NLRC5: variants seen among roughly 807,000 people sequenced by gnomAD.
NLRC5 encodes the protein protein NLRC5.
NLRC5 carries 114 observed loss-of-function variants against 206.9 expected under a neutral mutation model. The observed-to-expected ratio is 0.55, with a 90% confidence interval of 0.47 to 0.64. The LOEUF (loss-of-function observed/expected upper bound fraction) is 0.64, where lower values mean the gene tolerates loss of function less well. NLRC5 is among the 30% of genes least tolerant of loss of function. The pLI is 0.00. For missense variants in NLRC5, 2,008 were observed against 2,305.5 expected, an observed-to-expected ratio of 0.87 and a Z score of 2.64; for synonymous variants, 952 against 962.8, an observed-to-expected ratio of 0.99 and a Z score of 0.21.
chr16:57,034,440 C>A, intron 13 of NLRC5, 189 bp downstream of exon 13: 1 of 581,298 alleles, frequency 1.7e-6, no homozygotes, highest in Non-Finnish European at 3.1e-6. Context: ...GTGCTAGGGA[C>A]TGTACATGCC....
chr16:57,021,862 C>A (rs1438097527), intron 3 of NLRC5, among the ~76,000 whole-genome samples: 3 of 152,180 alleles, frequency 2.0e-5, no homozygotes, highest in African/African-American at 7.2e-5. Context: ...AAGAACCCTA[C>A]TTCAAGGCAG....
intron 2 of NLRC5, among the ~76,000 whole-genome samples, chr16:57,018,533 G>A (rs1252416645): frequency 2.0e-5 from 3 of 152,170 alleles, no homozygotes; most frequent in Non-Finnish European, 4.4e-5. Flanking sequence ...CCCAGTTGAG[G>A]AGAAATGACC....
chr16:57,033,566 G>A (rs1418373055), intron 11 of NLRC5, 38 bp from the exon 12 acceptor site: 3 of 1,609,146 alleles, frequency 1.9e-6, no homozygotes, highest in Admixed American at 3.3e-5. Context: ...GGCCCTAGAT[G>A]CCTGAGCCCA....
chr16:57,067,684 T>G, intron 35 of NLRC5, 52 bp from the exon 36 acceptor site: 1 of 1,560,940 alleles, frequency 6.4e-7, no homozygotes, highest in Non-Finnish European at 8.8e-7. Context: ...TGTGATGACC[T>G]CTGAGGTGTG....
chr16:57,047,732 C>A, intron 23 of NLRC5, 104 bp downstream of exon 23: 2 of 988,874 alleles, frequency 2.0e-6, no homozygotes, highest in Non-Finnish European at 3.1e-6. Flanking sequence ...TTCTCGATTT[C>A]TTCCCACCAG....
Position 57,026,903 on chromosome 16 carries a change from C to T in NLRC5, c.1960C>T (p.Leu654=). Residue 654 remains leucine, a synonymous_variant, in exon 6 of 49, where the codon CTG becomes TTG. Transcript: ENST00000688547. ...FPLTCTDLAT[L]TNILEHREAP... ...ACTGACCTGCACCGACCTGGCCACC[C>T]TGACCAACATCCTAGAGCACAGGGA... 1 of 1,614,238 alleles carries T rather than the reference C, an allele frequency of 6.2e-7. No individual in the cohort carries two copies. Among genetic ancestry groups the T allele is most frequent in the Non-Finnish European group, 8.5e-7 (1 of 1,180,052 alleles).
At chr16:57,077,867 G>T (rs543560620) in intron 42 of NLRC5, 65 bp downstream of exon 42, 9 of 1,597,214 alleles carry the variant, frequency 5.6e-6, no homozygotes, top group South Asian at 2.2e-5. Flanking sequence ...CTCCTCTCCC[G>T]CAGTGGGCAC....
Position 57,043,556 on chromosome 16 carries a change from T to A in NLRC5, c.3155T>A (p.Leu1052Ter), listed in dbSNP as rs775332785. Residue 1052 changes from leucine to a stop codon, truncating the protein, a stop_gained, in exon 20 of 49, where the codon TTG becomes TAG. Transcript: ENST00000688547. LOFTEE classifies it high-confidence loss of function. ...TTGTCCCTGGATGCCGTGTTGGGTT[T>A]GGTTCGGTGCTTCTCCACTCTGCAG... is the stretch of plus-strand genomic sequence containing the variant. ...NGLSLDAVLG[L>*]VRCFSTLQWL... is the part of the protein sequence containing the mutation. 1 of 1,614,172 alleles carries A rather than the reference T, an allele frequency of 6.2e-7. No homozygotes were observed. Among genetic ancestry groups the A allele is most frequent in the Non-Finnish European group, 8.5e-7 (1 of 1,180,014 alleles).
At chr16:57,035,139 G>A (rs1450919617) in intron 13 of NLRC5, among the ~76,000 whole-genome samples, 1 of 152,148 alleles carries the variant, frequency 6.6e-6, no homozygotes, top group East Asian at 1.9e-4. Flanking sequence ...CACCCGCCTG[G>A]TTACGCAGCC....
chr16:57,026,795 T>A lies in NLRC5; in HGVS notation c.1852T>A (p.Cys618Ser), dbSNP rs2061307454. 1.2e-6 allele frequency: 2 copies of A among 1,613,956 alleles called. No homozygotes were observed. Among genetic ancestry groups the A allele is most frequent in the African/African-American group, 2.7e-5 (2 of 74,884 alleles). The change falls in exon 6 of 49, where the codon TGT (cysteine) becomes AGT (serine). Residue 618 changes from cysteine (C) to serine (S), a missense_variant. Coordinates refer to ENST00000688547, the MANE Select transcript of NLRC5 (RefSeq NM_001384950.1). ...GCCAAAGGTTGTAGAGCTGTGTCACTGTGTGGATGAGACACAGGAGCCTGA... is the reference window on the plus strand; with the variant it reads ...GCCAAAGGTTGTAGAGCTGTGTCACAGTGTGGATGAGACACAGGAGCCTGA... ...TGPKVVELCH[C>S]VDETQEPELA...
intron 20 of NLRC5, 99 bp from the exon 21 acceptor site, chr16:57,045,349 C>T: frequency 8.6e-7 from 1 of 1,156,554 alleles, no homozygotes; most frequent in East Asian, 2.4e-5. Context: ...AAGCAGGCCA[C>T]CCCAGGCCCT....
At chr16:56,994,389 C>G (rs1053215471) in intron 1 of NLRC5, among the ~76,000 whole-genome samples, 6 of 152,222 alleles carry the variant, frequency 3.9e-5, no homozygotes, top group Non-Finnish European at 8.8e-5. Flanking sequence ...CACCTGCCAT[C>G]ATGAGTGCAT....
intron 27 of NLRC5, among the ~76,000 whole-genome samples, chr16:57,057,717 G>C (rs1455581341): frequency 6.6e-6 from 1 of 152,230 alleles, no homozygotes; most frequent in Non-Finnish European, 1.5e-5. Context: ...AGGACCAAGA[G>C]GATGGGTTTA....
At chr16:56,999,226 G>A (rs1344620453) in intron 1 of NLRC5, among the ~76,000 whole-genome samples, 1 of 152,194 alleles carries the variant, frequency 6.6e-6, no homozygotes, top group African/African-American at 2.4e-5. Flanking sequence ...CCTATTAGGG[G>A]TTAGAGTTTC....
At position 57,026,075 on chromosome 16, in the gene NLRC5, C is replaced by T. The variant is rs761237528; in HGVS notation, c.1132C>T (p.His378Tyr). ...DGPRVEEYVNHFFSAQPSREG... is the reference protein window; with the variant it reads ...DGPRVEEYVNYFFSAQPSREG... ...GCCACGGGTGGAAGAATATGTGAAT[C>T]ACTTCTTCAGCGCCCAGCCATCGCG... Residue 378 changes from histidine to tyrosine, a missense_variant, in exon 6 of 49, where the codon CAC (histidine) becomes TAC (tyrosine). Physicochemically the swap from His to Tyr is moderately conservative, Grantham distance 83. Transcript: ENST00000688547. 1.2e-6 allele frequency: 2 copies of T among 1,614,138 alleles called. No homozygotes were observed. The highest frequency in any genetic ancestry group is 4.5e-5 in the East Asian group (2 of 44,876).
At chr16:56,997,216 C>A (rs2057719816) in intron 1 of NLRC5, among the ~76,000 whole-genome samples, 2 of 152,074 alleles carry the variant, frequency 1.3e-5, no homozygotes, top group Admixed American at 6.6e-5. Context: ...CTTCTTGGAG[C>A]CTGTTTCTTC....
intron 1 of NLRC5, among the ~76,000 whole-genome samples, chr16:57,016,108 G>A (rs2060072654): frequency 2.0e-5 from 3 of 151,764 alleles, no homozygotes; most frequent in Non-Finnish European, 2.9e-5. Context: ...CCAGCTACTC[G>A]GGAGGCTGAG....
At chr16:57,078,689 T>C (rs1208479352) in intron 43 of NLRC5, among the ~76,000 whole-genome samples, 4 of 152,226 alleles carry the variant, frequency 2.6e-5, no homozygotes. Flanking sequence ...CAGGCTGGTC[T>C]TGGACTCCTG....
chr16:57,054,910 G>T, intron 25 of NLRC5, 70 bp downstream of exon 25: 3 of 1,586,582 alleles, frequency 1.9e-6, no homozygotes, highest in Non-Finnish European at 2.6e-6. Flanking sequence ...GGGTATGAGG[G>T]GGTAGGATGA....
Sources: gnomAD v4.1 joint callset for allele counts (sites outside exome capture counted in the v4.1 genomes callset) on GRCh38, gnomAD v4.1.1 for gene constraint, MANE v1.5 for transcripts, NCBI Gene and HGNC (gene_info 2026-07-23, HGNC 2026-07-21) for gene names.